ENAH: variants seen among roughly 807,000 people sequenced by gnomAD.
ENAH encodes the protein protein enabled homolog.
In ENAH, 23 loss-of-function variants were observed where a neutral mutation model predicts 78.7. The ratio of observed to expected loss-of-function variants is 0.29; its 90% CI spans 0.21 to 0.41. The LOEUF (loss-of-function observed/expected upper bound fraction) is 0.41. Ranked by LOEUF, ENAH falls within the 10% of genes least tolerant of loss-of-function variation. The pLI is 1.00. For synonymous variants in ENAH, 226 were observed against 241.0 expected (o/e 0.94, Z 0.58); for missense variants, 544 against 691.0 (o/e 0.79, Z 2.39).
intron 3 of ENAH, among the ~76,000 whole-genome samples, chr1:225,548,482 C>T (rs192607509): frequency 6.6e-6 from 1 of 152,280 alleles, no homozygotes; most frequent in Non-Finnish European, 1.5e-5. Context: ...TTTTTGCTTT[C>T]CTAATTTCTC....
intron 1 of ENAH, among the ~76,000 whole-genome samples, chr1:225,618,962 T>A (rs1400637804): frequency 6.6e-6 from 1 of 152,078 alleles, no homozygotes; most frequent in African/African-American, 2.4e-5. Context: ...GTTAAAGAAG[T>A]CCGAGGACCC....
chr1:225,564,926 T>C (rs1299247133), intron 2 of ENAH, among the ~76,000 whole-genome samples: 1 of 152,116 alleles, frequency 6.6e-6, no homozygotes, highest in Non-Finnish European at 1.5e-5. Flanking sequence ...TACAGGTTTC[T>C]ATATGTAATA....
At chr1:225,563,156 C>A (rs2096716906) in intron 2 of ENAH, among the ~76,000 whole-genome samples, 1 of 152,190 alleles carries the variant, frequency 6.6e-6, no homozygotes, top group Non-Finnish European at 1.5e-5. Flanking sequence ...AGCAACCTCA[C>A]TGAAAATCTT....
At chr1:225,514,967 A>C in intron 6 of ENAH, 67 bp from the exon 7 acceptor site, 2 of 1,311,212 alleles carry the variant, frequency 1.5e-6, no homozygotes, top group South Asian at 2.5e-5. Context: ...TTATGTGGGA[A>C]GGTACGCAGA....
chr1:225,632,682 G>C (rs1261245935), intron 1 of ENAH, among the ~76,000 whole-genome samples: 2 of 152,218 alleles, frequency 1.3e-5, no homozygotes, highest in African/African-American at 4.8e-5. Context: ...ACATATAGTT[G>C]AAATATAATG....
chr1:225,637,333 G>A (rs773626051), intron 1 of ENAH, among the ~76,000 whole-genome samples: 4 of 152,144 alleles, frequency 2.6e-5, no homozygotes, highest in African/African-American at 4.8e-5. Flanking sequence ...TCAGCCTCCC[G>A]AGTAGCTGGG....
intron 1 of ENAH, among the ~76,000 whole-genome samples, chr1:225,577,712 A>T (rs1241066543): frequency 6.6e-6 from 1 of 152,238 alleles, no homozygotes; most frequent in Non-Finnish European, 1.5e-5. Context: ...ATCAAAAGCA[A>T]GATGGCATGA....
rs2096228240 is a variant in ENAH at position 225,492,747 on chromosome 1, A to G, written c.*5028T>C. 2 of 152,272 alleles carry G rather than the reference A, an allele frequency of 1.3e-5. No homozygotes were observed. Among genetic ancestry groups the G allele is most frequent in the South Asian group, 4.1e-4 (2 of 4,824 alleles). The allele number at this position is 152,272 out of a possible 1,614,324, so 9.4% of individuals were successfully genotyped here. On this transcript the variant is annotated 3_prime_UTR_variant, in exon 14 of 14. Transcript: ENST00000366843. ...GAGTATCTGTAACGGGGACAGTCCTATTTCCCTTTCTCAATTTTCAGATGT... is the reference window on the plus strand; with the variant it reads ...GAGTATCTGTAACGGGGACAGTCCTGTTTCCCTTTCTCAATTTTCAGATGT...
At chr1:225,617,419 G>A (rs1179846995) in intron 1 of ENAH, among the ~76,000 whole-genome samples, 1 of 152,010 alleles carries the variant, frequency 6.6e-6, no homozygotes, top group Non-Finnish European at 1.5e-5. Flanking sequence ...TAGAAATTGG[G>A]GTTACTAGGA....
intron 1 of ENAH, among the ~76,000 whole-genome samples, chr1:225,633,265 T>C (rs1655826533): frequency 6.6e-6 from 1 of 151,586 alleles, no homozygotes; most frequent in South Asian, 2.1e-4. Context: ...TTAGCGAGGA[T>C]GGTCTTGATC....
At chr1:225,545,035 T>G (rs2096606804) in intron 3 of ENAH, among the ~76,000 whole-genome samples, 1 of 152,096 alleles carries the variant, frequency 6.6e-6, no homozygotes, top group African/African-American at 2.4e-5. Context: ...TAACAGCAAT[T>G]AGGAATAATT....
chr1:225,577,857 T>C (rs767546938), intron 1 of ENAH, among the ~76,000 whole-genome samples: 15 of 152,226 alleles, frequency 9.9e-5, no homozygotes, highest in Admixed American at 9.2e-4. Context: ...ACCTACCACA[T>C]GTAGTCATGT....
rs1374350226 is a variant in ENAH, at chr1:225,513,241, CT to C, written c.1219-226del. On this transcript the variant is annotated intron_variant, in intron 7 of 13. Coordinates refer to ENST00000366843, the MANE Select transcript of ENAH (RefSeq NM_018212.6). ...AATGCAATGAAACAGTATCATGTAT[CT>C]CTTCCTGTGCTGCCATGAAAAGGGC... Among the ~76,000 whole-genome samples, 3 of 152,160 alleles carry C rather than the reference CT, an allele frequency of 2.0e-5. No individual in the cohort carries two copies. The East Asian group carries it at 5.8e-4, about 29-fold the overall frequency.
In ENAH at chr1:225,519,327, CCCGATCCAGGCGTTCCTG is replaced by C. The variant is rs748616592; in HGVS notation, c.655_672del (p.Gln219_Arg224del). 3.9e-5 allele frequency: 63 copies of C among 1,604,940 alleles called. No homozygotes were observed. In the African/African-American group the frequency reaches 5.8e-4, roughly 15 times the overall value. ...TCTCGTTCTTGTCTTTCTTGCCTCT[CCCGATCCAGGCGTTCCTG>C]CCGCTCCAGGCGTTCCTGCCGCTCC... On this transcript the variant is annotated inframe_deletion, in exon 5 of 14. Transcript: ENST00000366843.
Position 225,653,029 on chromosome 1 carries a change from C to A in ENAH, c.-339G>T. Reference sequence around the variant, plus strand: ...CCCTCTGAGGGGTGCCCGCCGGGGCCGCGCGCCCGGCCGCCGCTCCACAGG... The same window carrying A: ...CCCTCTGAGGGGTGCCCGCCGGGGCAGCGCGCCCGGCCGCCGCTCCACAGG... On this transcript the variant is annotated 5_prime_UTR_variant, in exon 1 of 14. Coordinates refer to ENST00000366843, the MANE Select transcript of ENAH (RefSeq NM_018212.6). The surrounding 1 kb of genome is among the most constrained non-coding windows in gnomAD (Gnocchi z 4.3). 1 of 190,128 alleles carries A rather than the reference C, an allele frequency of 5.3e-6. No homozygotes were observed. The highest frequency in any genetic ancestry group is 1.7e-4 in the South Asian group (1 of 5,930). 11.8% of individuals were successfully genotyped at this position (190,128 alleles called of 1,614,324 possible).
chr1:225,493,947 A>C lies in ENAH; in HGVS notation c.*3828T>G, dbSNP rs994395040. ...GAGACATAAAAGTTGTAGCTAGGTA[A>C]ATTTAAAAGATTATCATGTTACTTA... On this transcript the variant is annotated 3_prime_UTR_variant, in exon 14 of 14. Coordinates refer to ENST00000366843, the MANE Select transcript of ENAH (RefSeq NM_018212.6). 6.6e-6 allele frequency: 1 copy of C among 151,926 alleles called. No individual in the cohort carries two copies. Among genetic ancestry groups the C allele is most frequent in the African/African-American group, 2.4e-5 (1 of 41,364 alleles). 9.4% of individuals were successfully genotyped at this position (151,926 alleles called of 1,614,324 possible). A position where few individuals can be genotyped will look rare whatever the true frequency, so the allele number is the denominator to read the frequency against.
Position 225,495,723 on chromosome 1 carries a change from CAAT to C in ENAH, c.*2049_*2051del, listed in dbSNP as rs1212092008. On this transcript the variant is annotated 3_prime_UTR_variant, in exon 14 of 14. Transcript: ENST00000366843. ...CAAAGTGTTTGCATAACCAAAAGTA[CAAT>C]AATAAAGATGAAAATGCCTCCTATT... 6.6e-6 allele frequency: 1 copy of C among 152,152 alleles called. No homozygotes were observed. The highest frequency in any genetic ancestry group is 1.5e-5 in the Non-Finnish European group (1 of 67,930). The allele number at this position is 152,152 out of a possible 1,614,324, so 9.4% of individuals were successfully genotyped here.
Position 225,497,696 on chromosome 1 carries a change from G to T in ENAH, c.*79C>A. ...CTTCTTACAGCTCATAAATGTAGGG[G>T]TTTGCTGTTGTGAACAGTTGTTGTT... On this transcript the variant is annotated 3_prime_UTR_variant, in exon 14 of 14. Coordinates refer to ENST00000366843, the MANE Select transcript of ENAH (RefSeq NM_018212.6). The T allele has an allele frequency of 7.0e-7, 1 of 1,421,346 alleles. No homozygotes were observed. The highest frequency in any genetic ancestry group is 1.2e-5 in the South Asian group (1 of 81,232). 88.0% of individuals were successfully genotyped at this position (1,421,346 alleles called of 1,614,324 possible). A position where few individuals can be genotyped will look rare whatever the true frequency, so the allele number is the denominator to read the frequency against.
At chr1:225,635,419 G>A (rs1659887052) in intron 1 of ENAH, among the ~76,000 whole-genome samples, 1 of 152,168 alleles carries the variant, frequency 6.6e-6, no homozygotes, top group Non-Finnish European at 1.5e-5. Flanking sequence ...TGACGATCTT[G>A]TACCCTGCAA....
Sources: allele counts gnomAD v4.1 joint callset (sites outside exome capture counted in the v4.1 genomes callset), GRCh38; gene constraint gnomAD v4.1.1; non-coding constraint Gnocchi (gnomAD v3.1); transcripts MANE v1.5; gene names NCBI Gene and HGNC (gene_info 2026-07-23, HGNC 2026-07-21).